CTNNA3: variants seen among roughly 807,000 people sequenced by gnomAD.
CTNNA3 encodes the protein catenin alpha 3.
In CTNNA3, 76 loss-of-function variants were observed where a neutral mutation model predicts 95.7. The ratio of observed to expected loss-of-function variants is 0.79; its 90% CI spans 0.66 to 0.96. CTNNA3 has a LOEUF of 0.96. Among genes scored for constraint, CTNNA3 ranks in the 40% least tolerant of loss-of-function variants. The probability of loss-of-function intolerance (pLI) is 0.00; values close to 1 mark genes in which losing one functional copy is unlikely to be tolerated. For missense variants in CTNNA3, 1,191 were observed against 1,089.8 expected, an observed-to-expected ratio of 1.09 and a Z score of -1.31; for synonymous variants, 431 against 374.4, an observed-to-expected ratio of 1.15 and a Z score of -1.74.
intron 7 of CTNNA3, among the ~76,000 whole-genome samples, chr10:67,038,144 A>G (rs549482448): frequency 6.6e-6 from 1 of 152,244 alleles, no homozygotes; most frequent in Admixed American, 6.5e-5. Flanking sequence ...TTTCAGAGCA[A>G]GTTATTATAT....
At chr10:66,729,976 G>C (rs1331209365) in intron 9 of CTNNA3, among the ~76,000 whole-genome samples, 1 of 151,680 alleles carries the variant, frequency 6.6e-6, no homozygotes, top group Non-Finnish European at 1.5e-5. Flanking sequence ...CGTGGTGGCA[G>C]GTGCCTGTAG....
chr10:67,703,814 T>A (rs911297591), intron 1 of CTNNA3, among the ~76,000 whole-genome samples: 5 of 152,098 alleles, frequency 3.3e-5, no homozygotes, highest in Non-Finnish European at 7.4e-5. Context: ...GGTGTTCAAT[T>A]AGGAAAAGAG....
At chr10:67,366,778 A>C (rs79897498) in intron 5 of CTNNA3, among the ~76,000 whole-genome samples, 2,733 of 152,328 alleles carry the variant, frequency 0.018, 87 homozygotes, top group African/African-American at 0.061. Flanking sequence ...CTCCCTATTC[A>C]ATAAATGATG....
At chr10:67,653,727 C>T (rs1204990935) in intron 1 of CTNNA3, among the ~76,000 whole-genome samples, 2 of 151,990 alleles carry the variant, frequency 1.3e-5, no homozygotes, top group African/African-American at 4.8e-5. Flanking sequence ...GGATTATCAC[C>T]CAAATAAATG....
At chr10:66,648,286 C>T (rs1457941132) in intron 9 of CTNNA3, among the ~76,000 whole-genome samples, 1 of 152,072 alleles carries the variant, frequency 6.6e-6, no homozygotes, top group African/African-American at 2.4e-5. Flanking sequence ...CGGCTGATGC[C>T]CATCAAAAGG....
At chr10:66,533,435 C>T (rs1841540511) in intron 10 of CTNNA3, among the ~76,000 whole-genome samples, 1 of 152,030 alleles carries the variant, frequency 6.6e-6, no homozygotes. Context: ...GGGTATTTAT[C>T]TCAATATCTC....
chr10:66,393,649 T>A (rs961053289), intron 11 of CTNNA3, among the ~76,000 whole-genome samples: 4 of 152,092 alleles, frequency 2.6e-5, no homozygotes. Flanking sequence ...AGTAACACCT[T>A]CTGGTTGTCA....
At chr10:65,976,629 C>T (rs893099820) in intron 16 of CTNNA3, among the ~76,000 whole-genome samples, 3 of 152,266 alleles carry the variant, frequency 2.0e-5, no homozygotes, top group Admixed American at 6.5e-5. Flanking sequence ...AATTCTTATA[C>T]TTATAAAAGT....
chr10:66,683,628 G>T (rs1453194060), intron 9 of CTNNA3, among the ~76,000 whole-genome samples: 2 of 127,588 alleles, frequency 1.6e-5, no homozygotes, highest in Non-Finnish European at 3.3e-5. Context: ...TGCTATGCAA[G>T]TCATCAACAT....
At chr10:66,098,958 C>T (rs2081507281) in intron 14 of CTNNA3, 1 of 152,150 alleles carries the variant, frequency 6.6e-6, no homozygotes. Flanking sequence ...ATGTTAGTTA[C>T]AGACCTTTAC....
At chr10:66,828,965 A>G (rs1564709141) in intron 7 of CTNNA3, among the ~76,000 whole-genome samples, 2 of 152,246 alleles carry the variant, frequency 1.3e-5, no homozygotes, top group Non-Finnish European at 2.9e-5. Flanking sequence ...GTAATGCAAT[A>G]CACACAACCC....
chr10:66,011,960 G>A (rs190607464), intron 15 of CTNNA3, among the ~76,000 whole-genome samples: 1 of 152,228 alleles, frequency 6.6e-6, no homozygotes, highest in Admixed American at 6.5e-5. Flanking sequence ...CTGCAACATA[G>A]AATGACTGGA....
intron 5 of CTNNA3, among the ~76,000 whole-genome samples, chr10:67,328,042 C>G (rs1166405528): frequency 6.6e-6 from 1 of 152,152 alleles, no homozygotes; most frequent in Non-Finnish European, 1.5e-5. Flanking sequence ...CCCACCAAGA[C>G]TCTGTCTGCA....
intron 5 of CTNNA3, among the ~76,000 whole-genome samples, chr10:67,338,949 TC>T (rs1842085987): frequency 1.3e-5 from 2 of 152,202 alleles, no homozygotes; most frequent in African/African-American, 4.8e-5. Flanking sequence ...TGAAGTTTGC[TC>T]CCCTCTTTCA....
At chr10:67,593,789 T>A (rs1842853643) in intron 3 of CTNNA3, among the ~76,000 whole-genome samples, 1 of 152,136 alleles carries the variant, frequency 6.6e-6, no homozygotes, top group Non-Finnish European at 1.5e-5. Context: ...GGACTTCCAG[T>A]ACTATGTTGA....
At chr10:66,209,950 A>G (rs2088025984) in intron 13 of CTNNA3, among the ~76,000 whole-genome samples, 1 of 152,134 alleles carries the variant, frequency 6.6e-6, no homozygotes, top group Non-Finnish European at 1.5e-5. Context: ...AGACAGAGAG[A>G]GCACTAAGAA....
At chr10:66,445,260 T>C (rs974452549) in intron 11 of CTNNA3, among the ~76,000 whole-genome samples, 4 of 151,628 alleles carry the variant, frequency 2.6e-5, no homozygotes, top group South Asian at 2.1e-4. Context: ...TTAGACAGAT[T>C]AACGAGACAG....
chr10:66,552,208 T>G (rs1004882280), intron 10 of CTNNA3, among the ~76,000 whole-genome samples: 3 of 152,144 alleles, frequency 2.0e-5, no homozygotes, highest in Admixed American at 1.3e-4. Flanking sequence ...TGGCCGGGAT[T>G]AGGGAATCTT....
intron 9 of CTNNA3, among the ~76,000 whole-genome samples, chr10:66,711,258 CAA>C (rs56013857): frequency 3.4e-5 from 4 of 118,130 alleles, no homozygotes; most frequent in Admixed American, 1.8e-4. Flanking sequence ...GAACAAGAAA[CAA>C]AAAAAAAAAA....
Sources: allele counts gnomAD v4.1 joint callset (sites outside exome capture counted in the v4.1 genomes callset), GRCh38; gene constraint gnomAD v4.1.1; transcripts MANE v1.5; gene names NCBI Gene and HGNC (gene_info 2026-07-23, HGNC 2026-07-21).